PTPRD: variants seen among roughly 807,000 people sequenced by gnomAD.
The protein encoded by PTPRD is receptor-type tyrosine-protein phosphatase delta.
In PTPRD, 34 loss-of-function variants were observed where a neutral mutation model predicts 214.5. That is an observed-to-expected ratio of 0.16 (90% CI 0.12 to 0.21). The LOEUF (loss-of-function observed/expected upper bound fraction) is 0.21, where lower values mean the gene tolerates loss of function less well. PTPRD is among the 10% of genes least tolerant of loss of function. PTPRD has a pLI of 1.00. For missense variants in PTPRD, 2,545 were observed against 2,398.7 expected (o/e 1.06, Z -1.27); for synonymous variants, 1,128 against 845.7 (o/e 1.33, Z -5.79).
rs1440119851 is a variant in PTPRD at position 10,551,891 on chromosome 9, TC to T, written c.-600+60506del. ...CCTGAGACTTGAAACATGCTGTCTT[TC>T]ATTTCTACCATGTTTGGTTACTACT... On this transcript the variant is annotated intron_variant, in intron 2 of 45. Transcript: ENST00000381196. Among the ~76,000 whole-genome samples, 7 of 152,302 alleles carry T rather than the reference TC, an allele frequency of 4.6e-5. No homozygotes were observed. In the East Asian group the frequency reaches 1.4e-3, roughly 29 times the overall value.
chr9:9,512,402 C>CCCCTTCAAGATAA (rs1249713405), intron 8 of PTPRD, among the ~76,000 whole-genome samples: 1 of 151,662 alleles, frequency 6.6e-6, no homozygotes, highest in Admixed American at 6.6e-5. Context: ...ATAAAGTATG[C>CCCCTTCAAGATAA]CCTTGAAAAG....
chr9:8,889,419 C>T (rs10511512), intron 11 of PTPRD, among the ~76,000 whole-genome samples: 1 of 152,230 alleles, frequency 6.6e-6, no homozygotes, highest in East Asian at 1.9e-4. Context: ...GCAAATCATA[C>T]ACTGAGATCA....
At chr9:10,304,511 C>T (rs1381844624) in intron 3 of PTPRD, among the ~76,000 whole-genome samples, 1 of 152,124 alleles carries the variant, frequency 6.6e-6, no homozygotes, top group Non-Finnish European at 1.5e-5. Context: ...ATTTAGGAAA[C>T]CCCATCGTCT....
At chr9:9,101,378 C>A (rs536664508) in intron 10 of PTPRD, among the ~76,000 whole-genome samples, 1 of 152,004 alleles carries the variant, frequency 6.6e-6, no homozygotes, top group Non-Finnish European at 1.5e-5. Flanking sequence ...ATGAACAGTA[C>A]GATTTTTCTG....
chr9:9,836,438 T>C (rs568790239), intron 5 of PTPRD, among the ~76,000 whole-genome samples: 3 of 152,286 alleles, frequency 2.0e-5, no homozygotes, highest in Admixed American at 2.0e-4. Flanking sequence ...CAGAGATTAA[T>C]GCAAACCCTC....
At chr9:10,378,952 G>A (rs778916624) in intron 2 of PTPRD, among the ~76,000 whole-genome samples, 1 of 151,860 alleles carries the variant, frequency 6.6e-6, no homozygotes, top group Non-Finnish European at 1.5e-5. Context: ...TCATGAACAT[G>A]GAATAGCTCT....
At chr9:8,633,928 A>T (rs1436124242) in intron 13 of PTPRD, among the ~76,000 whole-genome samples, 1 of 152,086 alleles carries the variant, frequency 6.6e-6, no homozygotes, top group Non-Finnish European at 1.5e-5. Context: ...CATCCTGAAC[A>T]GTATAGATAG....
intron 2 of PTPRD, among the ~76,000 whole-genome samples, chr9:10,506,529 C>G (rs1208546410): frequency 1.3e-5 from 2 of 151,788 alleles, no homozygotes; most frequent in Admixed American, 1.3e-4. Flanking sequence ...TGATTGGTAC[C>G]CCACTTACCA....
intron 7 of PTPRD, among the ~76,000 whole-genome samples, chr9:9,605,853 A>C (rs920727298): frequency 6.6e-6 from 1 of 152,094 alleles, no homozygotes; most frequent in Non-Finnish European, 1.5e-5. Flanking sequence ...CGAATTTCCA[A>C]CGATAACGGA....
At chr9:8,421,293 CTCT>C (rs1440833126) in intron 35 of PTPRD, among the ~76,000 whole-genome samples, 6 of 152,080 alleles carry the variant, frequency 3.9e-5, no homozygotes, top group Non-Finnish European at 5.9e-5. Context: ...CTCTCCCTCT[CTCT>C]TCTTTCTGGC....
intron 3 of PTPRD, among the ~76,000 whole-genome samples, chr9:10,324,576 C>T (rs185877090): frequency 2.0e-5 from 3 of 152,074 alleles, no homozygotes; most frequent in Non-Finnish European, 2.9e-5. Flanking sequence ...TGAGCTGATC[C>T]GACTGTGAAG....
intron 5 of PTPRD, among the ~76,000 whole-genome samples, chr9:9,834,865 G>A (rs1470133882): frequency 6.6e-6 from 1 of 151,786 alleles, no homozygotes; most frequent in East Asian, 1.9e-4. Context: ...TCCAGATGTG[G>A]TTTCTTTCCT....
intron 11 of PTPRD, among the ~76,000 whole-genome samples, chr9:8,949,789 T>C (rs1399288114): frequency 2.0e-5 from 3 of 152,174 alleles, no homozygotes; most frequent in Non-Finnish European, 2.9e-5. Flanking sequence ...GTCTTCTACG[T>C]GTTGCTTTTT....
chr9:9,640,467 C>T (rs1315787268), intron 7 of PTPRD, among the ~76,000 whole-genome samples: 1 of 152,330 alleles, frequency 6.6e-6, no homozygotes, highest in East Asian at 1.9e-4. Context: ...AGCCTCTGCA[C>T]TTTTCATTTA....
At chr9:9,468,957 C>G (rs1221877657) in intron 8 of PTPRD, among the ~76,000 whole-genome samples, 1 of 152,040 alleles carries the variant, frequency 6.6e-6, no homozygotes, top group Admixed American at 6.5e-5. Flanking sequence ...ATCAAAATCT[C>G]ACAGGGAAAC....
intron 9 of PTPRD, among the ~76,000 whole-genome samples, chr9:9,249,078 G>A (rs1242058998): frequency 6.6e-6 from 1 of 152,038 alleles, no homozygotes; most frequent in Non-Finnish European, 1.5e-5. Context: ...GGAGGTGTTT[G>A]GGTAGTGGGG....
At chr9:9,002,718 C>G (rs1234998819) in intron 11 of PTPRD, among the ~76,000 whole-genome samples, 1 of 152,006 alleles carries the variant, frequency 6.6e-6, no homozygotes, top group Non-Finnish European at 1.5e-5. Flanking sequence ...TCTTTGCACC[C>G]AAATTTGTGT....
intron 10 of PTPRD, among the ~76,000 whole-genome samples, chr9:9,026,947 C>A (rs2099589409): frequency 6.6e-6 from 1 of 151,616 alleles, no homozygotes; most frequent in Non-Finnish European, 1.5e-5. Context: ...GCCAGAGCTT[C>A]ATCTCTTAAA....
intron 5 of PTPRD, among the ~76,000 whole-genome samples, chr9:9,915,103 A>C (rs566015881): frequency 6.6e-6 from 1 of 152,186 alleles, no homozygotes; most frequent in Non-Finnish European, 1.5e-5. Context: ...GCTACTGAGC[A>C]ACTTGCAAAT....
Sources: allele counts gnomAD v4.1 joint callset (sites outside exome capture counted in the v4.1 genomes callset), GRCh38; gene constraint gnomAD v4.1.1; transcripts MANE v1.5; gene names NCBI Gene and HGNC (gene_info 2026-07-23, HGNC 2026-07-21).